Variants in DOCK10 observed in about 807,000 individuals in gnomAD.
The protein encoded by DOCK10 is dedicator of cytokinesis 10, also known as dedicator of cytokinesis protein 10.
Under a neutral mutation model 280.1 loss-of-function variants are expected in DOCK10, and 145 were observed. That is an observed-to-expected ratio of 0.52 (90% CI 0.45 to 0.59). DOCK10 has a LOEUF of 0.59. DOCK10 is among the 20% of genes least tolerant of loss of function. The pLI, the probability that DOCK10 is intolerant of heterozygous loss-of-function variation, is 0.00. For missense variants in DOCK10, 2,368 were observed against 2,651.7 expected, an observed-to-expected ratio of 0.89 and a Z score of 2.35; for synonymous variants, 915 against 942.2, an observed-to-expected ratio of 0.97 and a Z score of 0.53.
chr2:224,796,008 AGTGCT>A (rs1692544973), intron 44 of DOCK10, among the ~76,000 whole-genome samples: 1 of 149,234 alleles, frequency 6.7e-6, no homozygotes, highest in Non-Finnish European at 1.5e-5. Flanking sequence ...TACTTTGAGG[AGTGCT>A]CAAAGCTCAA....
In DOCK10 at chr2:224,975,206, G is replaced by A. The variant is rs538578769; in HGVS notation, c.124-43538C>T. ...GAAGATTTATGTTGCTAATTACTAAGGCTCTCATTACATTCAATTAATTCT... is the reference window on the plus strand; with the variant it reads ...GAAGATTTATGTTGCTAATTACTAAAGCTCTCATTACATTCAATTAATTCT... On this transcript the variant is annotated intron_variant, in intron 1 of 55. Coordinates refer to ENST00000258390, the MANE Select transcript of DOCK10 (RefSeq NM_014689.3). Among the ~76,000 whole-genome samples, 5 of 152,264 alleles carry A rather than the reference G, an allele frequency of 3.3e-5. No homozygotes were observed. In the East Asian group the frequency reaches 9.6e-4, roughly 29 times the overall value.
At chr2:224,943,263 A>G (rs969263154) in intron 1 of DOCK10, among the ~76,000 whole-genome samples, 3 of 152,294 alleles carry the variant, frequency 2.0e-5, no homozygotes, top group Admixed American at 2.0e-4. Context: ...TTCTCAGACA[A>G]TACACTTGAA....
intron 1 of DOCK10, among the ~76,000 whole-genome samples, chr2:224,981,717 G>T (rs1474729799): frequency 1.3e-5 from 2 of 152,212 alleles, no homozygotes; most frequent in Non-Finnish European, 2.9e-5. Flanking sequence ...TTGTGCCTAA[G>T]TTAGGCATTC....
In DOCK10 at chr2:224,770,459, G is replaced by A. The variant is rs1690362366; in HGVS notation, c.6305+86C>T. Reference sequence around the variant, plus strand: ...CTGATGGACTCTGCCACCTCAGTGAGTTTTGGTGTGATGGATTCTTGGGGG... The same window carrying A: ...CTGATGGACTCTGCCACCTCAGTGAATTTTGGTGTGATGGATTCTTGGGGG... On this transcript the variant is annotated intron_variant, in intron 54 of 55. Coordinates refer to ENST00000258390, the MANE Select transcript of DOCK10 (RefSeq NM_014689.3). The surrounding 1 kb of genome is among the most constrained non-coding windows in gnomAD (Gnocchi z 4.5). 31 of 1,570,462 alleles carry A rather than the reference G, an allele frequency of 2.0e-5. 1 individual carries two copies. The highest frequency in any genetic ancestry group is 2.4e-5 in the Non-Finnish European group (27 of 1,148,504).
chr2:224,796,831 C>G (rs1441137338), intron 43 of DOCK10, 133 bp downstream of exon 43: 24 of 761,004 alleles, frequency 3.2e-5, no homozygotes. Context: ...GAACTGAATG[C>G]TGTGGGCGTC....
At position 224,774,964 on chromosome 2, in the gene DOCK10, A is replaced by G. The variant is rs1173977206; in HGVS notation, c.5954T>C (p.Leu1985Pro). 1 of 1,611,708 alleles carries G rather than the reference A, an allele frequency of 6.2e-7. No individual in the cohort carries two copies. Among genetic ancestry groups the G allele is most frequent in the Non-Finnish European group, 8.5e-7 (1 of 1,178,980 alleles). Residue 1985 changes from leucine (L) to proline (P), a missense_variant, in exon 52 of 56, where the codon CTG (leucine) becomes CCG (proline). Physicochemically the swap from Leu to Pro is moderately conservative, Grantham distance 98. This residue lies in a region of DOCK10 where 1,159 missense variants were observed against 1,400.8 expected (regional missense o/e 0.83). Coordinates refer to ENST00000258390, the MANE Select transcript of DOCK10 (RefSeq NM_014689.3). ...NRFVFETPFT[L>P]SGKKHGGVAE... is the part of the protein sequence containing the mutation. Reference sequence around the variant, plus strand: ...CACCCCACCGTGCTTCTTGCCCGACAGCGTGAAGGGTGTCTCGAAGACAAA... The same window carrying G: ...CACCCCACCGTGCTTCTTGCCCGACGGCGTGAAGGGTGTCTCGAAGACAAA...
chr2:225,035,576 A>G (rs1690230100), intron 1 of DOCK10, among the ~76,000 whole-genome samples: 1 of 97,056 alleles, frequency 1.0e-5, no homozygotes, highest in African/African-American at 4.6e-5. Flanking sequence ...ATATATATAT[A>G]TATATATATA....
chr2:224,976,072 C>T (rs1008320966), intron 1 of DOCK10, among the ~76,000 whole-genome samples: 10 of 152,136 alleles, frequency 6.6e-5, no homozygotes, highest in African/African-American at 2.4e-4. Context: ...TGCCGACCTG[C>T]AAGACTCCAT....
chr2:224,809,881 T>C (rs1318418201), intron 31 of DOCK10, among the ~76,000 whole-genome samples: 1 of 149,446 alleles, frequency 6.7e-6, no homozygotes, highest in Non-Finnish European at 1.5e-5. Context: ...GTTGAAGAGA[T>C]ACATTGCAGC....
At chr2:224,862,822 T>G (rs952857590) in intron 13 of DOCK10, 76 bp from the exon 14 acceptor site, 1 of 899,210 alleles carries the variant, frequency 1.1e-6, no homozygotes, top group Non-Finnish European at 1.6e-6. Context: ...TACTAAATAC[T>G]TTTTCATATT....
chr2:224,804,865 T>C, intron 37 of DOCK10, 24 bp from the exon 38 acceptor site: 1 of 1,476,430 alleles, frequency 6.8e-7, no homozygotes, highest in South Asian at 1.4e-5. Context: ...AAAAACCACA[T>C]TTTAATTATT....
intron 1 of DOCK10, chr2:225,010,661 A>T (rs1689408204): frequency 1.9e-5 from 3 of 154,280 alleles, no homozygotes. Flanking sequence ...AAGACAGTTC[A>T]TACAATTTTG....
intron 1 of DOCK10, 37 bp from the exon 2 acceptor site, chr2:224,931,705 T>C (rs1244043782): frequency 2.6e-6 from 4 of 1,547,134 alleles, no homozygotes; most frequent in Non-Finnish European, 3.5e-6. Context: ...ATCACTGACA[T>C]ACACCATCTC....
chr2:224,908,367 C>T (rs960509907), intron 3 of DOCK10, among the ~76,000 whole-genome samples: 1 of 144,392 alleles, frequency 6.9e-6, no homozygotes, highest in Non-Finnish European at 1.5e-5. Context: ...TTCCTTGCCC[C>T]GGTAGCCTAG....
At chr2:224,899,745 T>TC (rs1383305409) in intron 3 of DOCK10, among the ~76,000 whole-genome samples, 1 of 151,888 alleles carries the variant, frequency 6.6e-6, no homozygotes. Context: ...CCTCCTACTC[T>TC]CCCCCTATAC....
At chr2:224,895,135 G>A (rs1457170185) in intron 4 of DOCK10, among the ~76,000 whole-genome samples, 3 of 152,164 alleles carry the variant, frequency 2.0e-5, no homozygotes, top group Non-Finnish European at 4.4e-5. Flanking sequence ...AGCTACTGCC[G>A]ATTCATATCC....
At chr2:224,925,771 T>A (rs534105108) in intron 2 of DOCK10, among the ~76,000 whole-genome samples, 120 of 152,338 alleles carry the variant, frequency 7.9e-4, no homozygotes, top group South Asian at 6.2e-3. Context: ...CCAGAAATGA[T>A]CCCATCTCAG....
Position 224,802,760 on chromosome 2 carries a change from G to A in DOCK10, c.4269-720C>T, listed in dbSNP as rs550115796. Among the ~76,000 whole-genome samples the A allele has an allele frequency of 4.8e-4, 73 of 152,266 alleles. No individual in the cohort carries two copies. In the Middle Eastern group the frequency reaches 0.01, roughly 21 times the overall value. On this transcript the variant is annotated intron_variant, in intron 39 of 55. Coordinates refer to ENST00000258390, the MANE Select transcript of DOCK10 (RefSeq NM_014689.3). ...GTTGATAATTCTTGGGATATGTGCT[G>A]TCATAAAAACTATTTATAACAACAC... is the stretch of plus-strand genomic sequence containing the variant.
At chr2:224,811,843 A>G (rs1281861607) in intron 31 of DOCK10, among the ~76,000 whole-genome samples, 1 of 151,756 alleles carries the variant, frequency 6.6e-6, no homozygotes, top group Non-Finnish European at 1.5e-5. Context: ...CCATTGATCT[A>G]TATCTCTGTT....
Sources: allele counts gnomAD v4.1 joint callset (sites outside exome capture counted in the v4.1 genomes callset), GRCh38; gene constraint gnomAD v4.1.1; regional missense constraint gnomAD v4.1.1; non-coding constraint Gnocchi (gnomAD v3.1); transcripts MANE v1.5; gene names NCBI Gene and HGNC (gene_info 2026-07-23, HGNC 2026-07-21).